The following CNTN1 variants were observed in gnomAD, a reference collection of about 807,000 sequenced individuals.
The protein encoded by CNTN1 is contactin 1.
A neutral mutation model predicts 126.4 loss-of-function variants in CNTN1; 38 were observed. The observed-to-expected ratio is 0.30, with a 90% confidence interval of 0.23 to 0.39. The LOEUF (loss-of-function observed/expected upper bound fraction) is 0.39, where lower values mean the gene tolerates loss of function less well. Ranked by LOEUF, CNTN1 falls within the 10% of genes least tolerant of loss-of-function variation. The probability of loss-of-function intolerance (pLI) is 1.00; values close to 1 mark genes in which losing one functional copy is unlikely to be tolerated. For missense variants in CNTN1, 1,009 were observed against 1,248.4 expected, an observed-to-expected ratio of 0.81 and a Z score of 2.89; for synonymous variants, 413 against 422.6, an observed-to-expected ratio of 0.98 and a Z score of 0.28.
chr12:40,766,781 C>A (rs981474053), intron 1 of CNTN1, among the ~76,000 whole-genome samples: 3 of 152,150 alleles, frequency 2.0e-5, no homozygotes, highest in Non-Finnish European at 2.9e-5. Context: ...TACATTTAAC[C>A]TGGAGACCAA....
intron 1 of CNTN1, among the ~76,000 whole-genome samples, chr12:40,874,214 G>A (rs1318379034): frequency 6.6e-6 from 1 of 151,874 alleles, no homozygotes; most frequent in African/African-American, 2.4e-5. Context: ...GTACCTTATA[G>A]GGTTATTGGG....
At chr12:40,796,615 A>G (rs1213837131) in intron 1 of CNTN1, among the ~76,000 whole-genome samples, 2 of 152,098 alleles carry the variant, frequency 1.3e-5, no homozygotes, top group Non-Finnish European at 2.9e-5. Context: ...TGAAGACATC[A>G]AGCTGGAGTG....
At chr12:40,959,586 AT>A (rs765914309) in intron 15 of CNTN1, among the ~76,000 whole-genome samples, 1 of 151,858 alleles carries the variant, frequency 6.6e-6, no homozygotes, top group Non-Finnish European at 1.5e-5. Flanking sequence ...TATGGAAAAG[AT>A]ATATACTGAT....
intron 1 of CNTN1, among the ~76,000 whole-genome samples, chr12:40,722,584 G>A (rs1328912020): frequency 6.6e-6 from 1 of 152,064 alleles, no homozygotes; most frequent in African/African-American, 2.4e-5. Flanking sequence ...AAGTCTAACA[G>A]TTGGCCGATA....
rs865896026 is a variant in CNTN1 at position 41,007,251 on chromosome 12, G to A, written c.2114-6977G>A. On this transcript the variant is annotated intron_variant, in intron 17 of 23. Coordinates refer to ENST00000551295, the MANE Select transcript of CNTN1 (RefSeq NM_001843.4). ...ATTTTTTTGTATTTTTAGTAGAGAC[G>A]GGGTTTCACCGTTTTAGCCGGGATG... Among the ~76,000 whole-genome samples the A allele has an allele frequency of 5.9e-5, 9 of 151,656 alleles. No individual in the cohort carries two copies. In the South Asian group the frequency reaches 1.0e-3, roughly 18 times the overall value.
intron 17 of CNTN1, among the ~76,000 whole-genome samples, chr12:41,010,974 T>G (rs1286063018): frequency 6.6e-6 from 1 of 152,198 alleles, no homozygotes; most frequent in African/African-American, 2.4e-5. Context: ...AGGAGACATG[T>G]TGTTCATCGC....
intron 1 of CNTN1, among the ~76,000 whole-genome samples, chr12:40,697,230 C>T (rs1480513242): frequency 6.6e-6 from 1 of 152,136 alleles, no homozygotes; most frequent in Non-Finnish European, 1.5e-5. Flanking sequence ...TATTCTCTAC[C>T]AGTGGTTGTA....
intron 1 of CNTN1, among the ~76,000 whole-genome samples, chr12:40,876,722 A>G (rs931820758): frequency 3.3e-5 from 5 of 152,126 alleles, no homozygotes; most frequent in African/African-American, 4.8e-5. Context: ...TTTTCTTATT[A>G]GCTTTGTTTT....
intron 20 of CNTN1, among the ~76,000 whole-genome samples, chr12:41,020,797 C>A (rs73116997): frequency 6.6e-6 from 1 of 152,058 alleles, no homozygotes; most frequent in Admixed American, 6.5e-5. Context: ...TAGAAGCATC[C>A]TGAAAATAGT....
At chr12:40,798,594 A>G (rs758289971) in intron 1 of CNTN1, among the ~76,000 whole-genome samples, 20 of 151,938 alleles carry the variant, frequency 1.3e-4, no homozygotes, top group Non-Finnish European at 1.8e-4. Context: ...TTGCAGGGAC[A>G]AGGATGGAAC....
intron 17 of CNTN1, chr12:41,004,976 C>T (rs576996838): frequency 3.9e-5 from 6 of 152,182 alleles, no homozygotes; most frequent in South Asian, 4.1e-4. Flanking sequence ...GTCATTATGA[C>T]GTTAGCTGGT....
Position 40,785,620 on chromosome 12 carries a change from G to A in CNTN1, c.-77+93028G>A, listed in dbSNP as rs972524532. Among the ~76,000 whole-genome samples, 8 of 152,068 alleles carry A rather than the reference G, an allele frequency of 5.3e-5. No individual in the cohort carries two copies. In the South Asian group the frequency reaches 1.7e-3, roughly 31 times the overall value. On this transcript the variant is annotated intron_variant, in intron 1 of 23. Transcript: ENST00000551295. ...GGATCTCACAAAGTACATTCTCAAG[G>A]GTGGGGAGAATTACAAAGAACCTTC...
At chr12:41,045,103 T>C (rs556182054) in intron 23 of CNTN1, among the ~76,000 whole-genome samples, 5 of 152,046 alleles carry the variant, frequency 3.3e-5, no homozygotes, top group Non-Finnish European at 5.9e-5. Context: ...CATTAAGATA[T>C]CTATTCTTTA....
At chr12:40,850,642 A>T (rs1942682715) in intron 1 of CNTN1, among the ~76,000 whole-genome samples, 1 of 152,150 alleles carries the variant, frequency 6.6e-6, no homozygotes, top group South Asian at 2.1e-4. Flanking sequence ...TGATATTAAA[A>T]TATGAGCTAG....
chr12:41,068,968 G>T (rs963660057), intron 23 of CNTN1, among the ~76,000 whole-genome samples: 1 of 152,092 alleles, frequency 6.6e-6, no homozygotes, highest in African/African-American at 2.4e-5. Context: ...TCCAGCCTGA[G>T]CAATAGAACA....
intron 14 of CNTN1, among the ~76,000 whole-genome samples, chr12:40,953,882 A>G (rs1190086967): frequency 6.6e-6 from 1 of 152,134 alleles, no homozygotes; most frequent in African/African-American, 2.4e-5. Flanking sequence ...TAGCAATTTC[A>G]TTAAGAAAGA....
chr12:40,949,268 TAGAA>T (rs1946564840), intron 14 of CNTN1, among the ~76,000 whole-genome samples: 2 of 150,428 alleles, frequency 1.3e-5, no homozygotes, highest in Admixed American at 6.6e-5. Context: ...TGCTTATAAC[TAGAA>T]AGAAAGGTTT....
rs139129601 is a variant in CNTN1 at position 40,832,621 on chromosome 12, G to A, written c.-76-75736G>A. 1.2e-3 allele frequency among the ~76,000 whole-genome samples: 180 copies of A among 152,250 alleles called. 2 individuals carry two copies. Among genetic ancestry groups the A allele is most frequent in the African/African-American group, 4.1e-3 (171 of 41,554 alleles). ...GAATGTATCCTCATAGTTAAGTGAT[G>A]CATAACTGTATTGTATTAACCATGT... On this transcript the variant is annotated intron_variant, in intron 1 of 23. Transcript: ENST00000551295.
intron 23 of CNTN1, among the ~76,000 whole-genome samples, chr12:41,032,002 G>T (rs1031226804): frequency 6.6e-6 from 1 of 151,996 alleles, no homozygotes; most frequent in South Asian, 2.1e-4. Flanking sequence ...CACACTACTA[G>T]ATCTTAATGT....
Sources: gnomAD v4.1 joint callset for allele counts (sites outside exome capture counted in the v4.1 genomes callset) on GRCh38, gnomAD v4.1.1 for gene constraint, MANE v1.5 for transcripts, NCBI Gene and HGNC (gene_info 2026-07-23, HGNC 2026-07-21) for gene names.